The following ZBTB16 variants were observed in gnomAD, a reference collection of about 807,000 sequenced individuals.
The protein encoded by ZBTB16 is zinc finger and BTB domain containing 16, also known as zinc finger and BTB domain-containing protein 16.
A neutral mutation model predicts 56.8 loss-of-function variants in ZBTB16; 8 were observed. The observed-to-expected ratio is 0.14, with a 90% CI of 0.08 to 0.25. The LOEUF is 0.25. Ranked by LOEUF, ZBTB16 falls within the 10% of genes least tolerant of loss-of-function variation. ZBTB16 has a pLI of 1.00. For missense variants in ZBTB16, 625 were observed against 903.0 expected, an observed-to-expected ratio of 0.69 and a Z score of 3.95; for synonymous variants, 363 against 368.5, an observed-to-expected ratio of 0.98 and a Z score of 0.17.
chr11:114,212,821 G>A (rs583805), intron 4 of ZBTB16, among the ~76,000 whole-genome samples: 40,078 of 151,836 alleles, frequency 0.26, 6,142 homozygotes, highest in South Asian at 0.37. Flanking sequence ...CGCCTGCCTC[G>A]GAGCAGGCAG....
At chr11:114,180,320 T>A (rs1943218210) in intron 3 of ZBTB16, among the ~76,000 whole-genome samples, 1 of 152,172 alleles carries the variant, frequency 6.6e-6, no homozygotes, top group African/African-American at 2.4e-5. Context: ...TCCGCCTGTC[T>A]CTTTCACAAC....
chr11:114,142,289 C>A (rs558792737), intron 2 of ZBTB16, among the ~76,000 whole-genome samples: 3 of 152,086 alleles, frequency 2.0e-5, no homozygotes, highest in Admixed American at 1.3e-4. Context: ...CTTCCCACCC[C>A]CTTCCCCAGT....
At chr11:114,176,265 C>T (rs775276119) in intron 3 of ZBTB16, among the ~76,000 whole-genome samples, 4 of 152,088 alleles carry the variant, frequency 2.6e-5, no homozygotes, top group Middle Eastern at 3.2e-3. Context: ...TTAGGAGTTG[C>T]GGAGATGTCC....
At position 114,059,739 on chromosome 11, in the gene ZBTB16, CG is replaced by C. The variant is rs988196247; in HGVS notation, c.-231del. ...AGAGAGGAGTTGAGGGCGATGAGAGCGGGTACTGCGAACTGCCGGGCGATGC... is the reference window on the plus strand; with the variant it reads ...AGAGAGGAGTTGAGGGCGATGAGAGCGGTACTGCGAACTGCCGGGCGATGC... On this transcript the variant is annotated 5_prime_UTR_variant, in exon 1 of 7. The change abolishes the stop of an existing upstream ORF in the 5' untranslated region. Transcript: ENST00000335953. This position sits in a 1 kb window ranked among gnomAD's most constrained non-coding sequence, Gnocchi z 5.3. The C allele has an allele frequency of 5.0e-6, 2 of 398,186 alleles. No individual in the cohort carries two copies. The highest frequency in any genetic ancestry group is 8.9e-6 in the Non-Finnish European group (2 of 225,924). The allele number at this position is 398,186 out of a possible 1,614,324, so 24.7% of individuals were successfully genotyped here.
chr11:114,067,834 C>G (rs566127715), intron 2 of ZBTB16, among the ~76,000 whole-genome samples: 1 of 152,076 alleles, frequency 6.6e-6, no homozygotes, highest in Non-Finnish European at 1.5e-5. Context: ...AATAATCCTG[C>G]GTGTGCTCAG....
At chr11:114,116,889 A>G (rs1278396250) in intron 2 of ZBTB16, among the ~76,000 whole-genome samples, 1 of 152,206 alleles carries the variant, frequency 6.6e-6, no homozygotes, top group East Asian at 1.9e-4. Context: ...GTCCCCAAGA[A>G]TCTAATAAGC....
intron 3 of ZBTB16, among the ~76,000 whole-genome samples, chr11:114,159,937 C>CGGGGGCGG (rs1942531175): frequency 2.1e-5 from 2 of 93,840 alleles, no homozygotes; most frequent in Admixed American, 1.0e-4. Context: ...GCGGGGGAGG[C>CGGGGGCGG]GGGGGGGAGG....
At chr11:114,070,953 G>A (rs567051862) in intron 2 of ZBTB16, among the ~76,000 whole-genome samples, 1 of 152,198 alleles carries the variant, frequency 6.6e-6, no homozygotes. Context: ...ATGGCAGAAG[G>A]CTTTGTAGTG....
At chr11:114,073,829 G>A (rs182829900) in intron 2 of ZBTB16, among the ~76,000 whole-genome samples, 361 of 152,242 alleles carry the variant, frequency 2.4e-3, no homozygotes, top group Non-Finnish European at 4.2e-3. Context: ...GGGCCATTCG[G>A]TTCCCCCAGA....
At chr11:114,233,074 C>A (rs1345424037) in intron 4 of ZBTB16, among the ~76,000 whole-genome samples, 4 of 47,380 alleles carry the variant, frequency 8.4e-5, no homozygotes, top group African/African-American at 1.4e-4. Flanking sequence ...CATGCGCGCG[C>A]GCGCGCGCAC....
At chr11:114,123,224 GA>G (rs1185377081) in intron 2 of ZBTB16, among the ~76,000 whole-genome samples, 1 of 152,096 alleles carries the variant, frequency 6.6e-6, no homozygotes, top group Non-Finnish European at 1.5e-5. Flanking sequence ...ATTAATTGTA[GA>G]GGGGCACAAT....
Position 114,173,022 on chromosome 11 carries a change from T to C in ZBTB16, c.1367-13930T>C, listed in dbSNP as rs1013680086. Among the ~76,000 whole-genome samples the C allele has an allele frequency of 2.6e-5, 4 of 152,200 alleles. 1 individual carries two copies. Among genetic ancestry groups the C allele is most frequent in the Admixed American group, 1.3e-4 (2 of 15,288 alleles). On this transcript the variant is annotated intron_variant, in intron 3 of 6. Transcript: ENST00000335953. The stretch of plus-strand genomic sequence containing the variant: ...TAGTTGTAATGTAACACCTCAATTA[T>C]GGTGCAGGGGGTAAGGAAGCCAGAC...
intron 3 of ZBTB16, 58 bp downstream of exon 3, chr11:114,156,492 T>C: frequency 6.5e-7 from 1 of 1,531,700 alleles, no homozygotes; most frequent in Non-Finnish European, 9.0e-7. Context: ...CCTGCTTGCC[T>C]TTACCCCTCC....
rs1940462132 is a variant in ZBTB16 at position 114,097,562 on chromosome 11, A to G, written c.1268+32994A>G. 2.0e-5 allele frequency among the ~76,000 whole-genome samples: 3 copies of G among 152,336 alleles called. No homozygotes were observed. The South Asian group carries it at 6.2e-4, about 32-fold the overall frequency. ...AAAATACTGAGAATATCATACTGAT[A>G]AAAACCCTCTGCTAAATTTTTTTTA... On this transcript the variant is annotated intron_variant, in intron 2 of 6. Coordinates refer to ENST00000335953, the MANE Select transcript of ZBTB16 (RefSeq NM_006006.6).
rs1016444235 is a variant in ZBTB16, at chr11:114,254,865, C to T, written c.*4310C>T. Among the ~76,000 whole-genome samples the T allele has an allele frequency of 5.3e-5, 8 of 152,084 alleles. No homozygotes were observed. Among genetic ancestry groups the T allele is most frequent in the Admixed American group, 1.3e-4 (2 of 15,266 alleles). On this transcript the variant is annotated 3_prime_UTR_variant, in exon 7 of 7. Coordinates refer to ENST00000335953, the MANE Select transcript of ZBTB16 (RefSeq NM_006006.6). ...GGCAGAGATGGCCAGGAGAGGGGTGCAGGACAAACCAGAGAGGTTGGGTCA... is the reference window on the plus strand; with the variant it reads ...GGCAGAGATGGCCAGGAGAGGGGTGTAGGACAAACCAGAGAGGTTGGGTCA...
chr11:114,172,948 T>A (rs1224183376), intron 3 of ZBTB16, among the ~76,000 whole-genome samples: 4 of 152,192 alleles, frequency 2.6e-5, no homozygotes, highest in Admixed American at 2.6e-4. Flanking sequence ...TTTTGAAAAG[T>A]GTGGCATCTT....
At chr11:114,182,441 T>A (rs1011798417) in intron 3 of ZBTB16, among the ~76,000 whole-genome samples, 2 of 152,214 alleles carry the variant, frequency 1.3e-5, no homozygotes, top group Non-Finnish European at 2.9e-5. Context: ...CCTCCCATCT[T>A]GAACATAAAC....
chr11:114,249,750 C>A (rs1377110232), intron 6 of ZBTB16, among the ~76,000 whole-genome samples: 2 of 112,774 alleles, frequency 1.8e-5, no homozygotes, highest in Non-Finnish European at 3.3e-5. Context: ...CTGGCCTGGG[C>A]GACACAGCGA....
At chr11:114,202,902 T>G (rs914070373) in intron 4 of ZBTB16, among the ~76,000 whole-genome samples, 3 of 152,204 alleles carry the variant, frequency 2.0e-5, no homozygotes, top group Non-Finnish European at 1.5e-5. Context: ...GTTTTTAATG[T>G]GGGAGAGAGA....
Sources: allele counts gnomAD v4.1 joint callset (sites outside exome capture counted in the v4.1 genomes callset), GRCh38; gene constraint gnomAD v4.1.1; non-coding constraint Gnocchi (gnomAD v3.1); transcripts MANE v1.5; gene names NCBI Gene and HGNC (gene_info 2026-07-23, HGNC 2026-07-21).